CSMD3: variants seen among roughly 807,000 people sequenced by gnomAD.
CSMD3 encodes the protein CUB and sushi domain-containing protein 3.
CSMD3 carries 177 observed loss-of-function variants against 435.2 expected under a neutral mutation model. The ratio of observed to expected loss-of-function variants is 0.41; its 90% confidence interval spans 0.36 to 0.46. The LOEUF (loss-of-function observed/expected upper bound fraction) is 0.46, where lower values mean the gene tolerates loss of function less well. Among genes scored for constraint, CSMD3 ranks in the 20% least tolerant of loss-of-function variants. CSMD3 has a pLI of 0.34. For missense variants in CSMD3, 4,265 were observed against 4,504.6 expected, an observed-to-expected ratio of 0.95 and a Z score of 1.52; for synonymous variants, 1,656 against 1,520.5, an observed-to-expected ratio of 1.09 and a Z score of -2.07.
chr8:113,376,687 C>T (rs2094385428), intron 1 of CSMD3: 1 of 1,610,838 alleles, frequency 6.2e-7, no homozygotes, highest in Non-Finnish European at 8.5e-7. Context: ...TGACACCCGC[C>T]ACAAGGACCG....
At chr8:112,862,588 G>A (rs530030756) in intron 10 of CSMD3, among the ~76,000 whole-genome samples, 6 of 152,070 alleles carry the variant, frequency 3.9e-5, no homozygotes, top group African/African-American at 1.4e-4. Context: ...ATACAGTGAA[G>A]ATCTTGGTAC....
intron 13 of CSMD3, among the ~76,000 whole-genome samples, chr8:112,698,797 C>T (rs542022679): frequency 4.5e-4 from 69 of 152,030 alleles, no homozygotes; most frequent in Non-Finnish European, 8.7e-4. Context: ...AAGGTGAAGC[C>T]GGCTGGGCTT....
chr8:112,486,170 G>A (rs538487743), intron 31 of CSMD3, among the ~76,000 whole-genome samples: 2 of 151,370 alleles, frequency 1.3e-5, no homozygotes, highest in South Asian at 4.2e-4. Flanking sequence ...TTAGCCTGGA[G>A]GAAGATTTCA....
intron 4 of CSMD3, among the ~76,000 whole-genome samples, chr8:113,172,264 G>T (rs1403710834): frequency 6.6e-6 from 1 of 152,088 alleles, no homozygotes; most frequent in African/African-American, 2.4e-5. Flanking sequence ...GTAATCTAGA[G>T]CAATTATTTT....
chr8:112,280,797 C>T (rs1818556424), intron 59 of CSMD3, among the ~76,000 whole-genome samples: 1 of 152,008 alleles, frequency 6.6e-6, no homozygotes, highest in Admixed American at 6.6e-5. Flanking sequence ...AATCAGTATG[C>T]CTTTTAAAAA....
chr8:112,968,217 TC>T (rs1564159859), intron 7 of CSMD3, among the ~76,000 whole-genome samples: 1 of 151,890 alleles, frequency 6.6e-6, no homozygotes, highest in Admixed American at 6.6e-5. Flanking sequence ...CTATAAATAA[TC>T]ATTAAAATAA....
chr8:112,737,514 G>T (rs540052106), intron 13 of CSMD3, among the ~76,000 whole-genome samples: 1 of 151,994 alleles, frequency 6.6e-6, no homozygotes, highest in South Asian at 2.1e-4. Context: ...AAGTTTTAAA[G>T]AAAAAGTACT....
intron 16 of CSMD3, among the ~76,000 whole-genome samples, chr8:112,667,409 AT>A (rs1303746126): frequency 6.6e-6 from 1 of 152,164 alleles, no homozygotes; most frequent in East Asian, 1.9e-4. Flanking sequence ...GCTCACTCTT[AT>A]TTCTCTAGCT....
At chr8:112,732,560 G>A (rs1329764748) in intron 13 of CSMD3, among the ~76,000 whole-genome samples, 7 of 151,560 alleles carry the variant, frequency 4.6e-5, no homozygotes, top group African/African-American at 9.7e-5. Context: ...GCGAAACCTC[G>A]TCTCTACTAA....
intron 5 of CSMD3, among the ~76,000 whole-genome samples, chr8:113,091,112 A>C (rs1340659663): frequency 6.6e-6 from 1 of 152,112 alleles, no homozygotes; most frequent in Non-Finnish European, 1.5e-5. Context: ...TAATAGGTTA[A>C]TAAATTACAG....
chr8:113,244,268 G>T (rs2093252496), intron 3 of CSMD3, among the ~76,000 whole-genome samples: 1 of 152,102 alleles, frequency 6.6e-6, no homozygotes, highest in Non-Finnish European at 1.5e-5. Context: ...TTCATTATGA[G>T]TTTTGTAATT....
chr8:113,244,638 C>A lies in CSMD3; in HGVS notation c.514+33954G>T, dbSNP rs1272729316. ...CTACATTAATTTTTTATGGTGTCAG[C>A]AGTAATCAAACTTCATTCTTTGCCA... On this transcript the variant is annotated intron_variant, in intron 3 of 70. Transcript: ENST00000297405. Among the ~76,000 whole-genome samples the A allele has an allele frequency of 2.6e-5, 4 of 152,084 alleles. No individual in the cohort carries two copies. In the East Asian group the frequency reaches 7.7e-4, roughly 29 times the overall value.
chr8:112,544,810 A>G (rs750149908), intron 27 of CSMD3, among the ~76,000 whole-genome samples: 1 of 152,150 alleles, frequency 6.6e-6, no homozygotes, highest in Non-Finnish European at 1.5e-5. Context: ...ATCTTAGTGG[A>G]TATCAGCTTT....
intron 45 of CSMD3, 131 bp downstream of exon 45, chr8:112,335,198 G>C (rs1824443053): frequency 4.5e-6 from 4 of 881,228 alleles, no homozygotes; most frequent in Non-Finnish European, 7.2e-6. Flanking sequence ...AAATGCTAAA[G>C]TTACTGTGAT....
chr8:112,490,682 T>G lies in CSMD3; in HGVS notation c.5278+1807A>C, dbSNP rs189923024. 1.7e-3 allele frequency among the ~76,000 whole-genome samples: 257 copies of G among 152,258 alleles called. 2 individuals carry two copies. The highest frequency in any genetic ancestry group is 0.01 in the Middle Eastern group (3 of 294). ...ATTTTGAATCTGGCTCCTGGAAATTTTTCAGAAATTTTCTATAGTTTCCAA... is the reference window on the plus strand; with the variant it reads ...ATTTTGAATCTGGCTCCTGGAAATTGTTCAGAAATTTTCTATAGTTTCCAA... On this transcript the variant is annotated intron_variant, in intron 31 of 70. Coordinates refer to ENST00000297405, the MANE Select transcript of CSMD3 (RefSeq NM_198123.2).
intron 2 of CSMD3, among the ~76,000 whole-genome samples, chr8:113,294,781 T>G (rs1295355203): frequency 6.6e-6 from 1 of 152,088 alleles, no homozygotes; most frequent in Non-Finnish European, 1.5e-5. Flanking sequence ...GTGACTGACA[T>G]TCACCTTAAT....
chr8:113,207,363 A>G (rs2092783088), intron 3 of CSMD3, among the ~76,000 whole-genome samples: 1 of 151,220 alleles, frequency 6.6e-6, no homozygotes, highest in Admixed American at 6.6e-5. Context: ...CTCCCGAAAT[A>G]TAATAAACAT....
intron 38 of CSMD3, among the ~76,000 whole-genome samples, chr8:112,363,188 T>C (rs1827422174): frequency 1.3e-5 from 2 of 151,920 alleles, no homozygotes; most frequent in Admixed American, 6.6e-5. Flanking sequence ...GATGAGTAAA[T>C]AGTGACTTCA....
At chr8:112,598,443 C>T (rs1831975209) in intron 22 of CSMD3, among the ~76,000 whole-genome samples, 1 of 148,066 alleles carries the variant, frequency 6.8e-6, no homozygotes, top group Non-Finnish European at 1.5e-5. Flanking sequence ...GCCATACTGC[C>T]CAAGGTAATT....
Sources: allele counts gnomAD v4.1 joint callset (sites outside exome capture counted in the v4.1 genomes callset), GRCh38; gene constraint gnomAD v4.1.1; transcripts MANE v1.5; gene names NCBI Gene and HGNC (gene_info 2026-07-23, HGNC 2026-07-21).